The following CFAP47 variants were observed in gnomAD, a reference collection of about 807,000 sequenced individuals.
CFAP47 encodes cilia- and flagella-associated protein 47.
CFAP47 carries 29 observed loss-of-function variants against 148.1 expected under a neutral mutation model. The observed-to-expected ratio is 0.20, with a 90% CI of 0.15 to 0.27. The LOEUF (loss-of-function observed/expected upper bound fraction) is 0.27. Among genes scored for constraint, CFAP47 ranks in the 10% least tolerant of loss-of-function variants. The pLI is 1.00. For missense variants in CFAP47, 1,872 were observed against 1,697.5 expected (o/e 1.10, Z -1.81); for synonymous variants, 664 against 577.3 (o/e 1.15, Z -2.15).
At chrX:35,969,275 A>G (rs1194096417) in intron 10 of CFAP47, among the ~76,000 whole-genome samples, 1 of 111,260 alleles carries the variant, frequency 9.0e-6, no homozygotes, top group Non-Finnish European at 1.9e-5. Flanking sequence ...TTACTTGTTG[A>G]TAATTGTAAT....
chrX:36,371,946 G>GTGTGTGTATATATACACACATGTGTATA (rs1941970494), intron 62 of CFAP47, among the ~76,000 whole-genome samples: 3 of 90,842 alleles, frequency 3.3e-5, no homozygotes, highest in African/African-American at 1.5e-4. Context: ...ATGTGTATAT[G>GTGTGTGTATATATACACACATGTGTATA]TGTGTGTATA....
At chrX:36,004,209 T>C in intron 21 of CFAP47, among the ~76,000 whole-genome samples, 1 of 109,930 alleles carries the variant, frequency 9.1e-6, no homozygotes, top group Non-Finnish European at 1.9e-5. Context: ...ATTCCTGACC[T>C]CAGGTAATCT....
At chrX:35,989,759 T>A in intron 16 of CFAP47, 1 of 327,782 alleles carries the variant, frequency 3.1e-6, no homozygotes, top group Non-Finnish European at 5.0e-6. Flanking sequence ...CAGAGGGCCT[T>A]AAATTCATGA....
intron 26 of CFAP47, among the ~76,000 whole-genome samples, chrX:36,062,816 T>A (rs1219215889): frequency 9.0e-6 from 1 of 111,457 alleles, no homozygotes; most frequent in East Asian, 2.8e-4. Context: ...ACTCTGTGAT[T>A]ATATTTTAAA....
chrX:36,271,470 T>C (rs1202572603), intron 49 of CFAP47, among the ~76,000 whole-genome samples: 3 of 111,625 alleles, frequency 2.7e-5, no homozygotes, highest in African/African-American at 6.5e-5. Context: ...GAAACTGGCT[T>C]TTGGCAGTTT....
chrX:36,266,560 G>A (rs782634617), intron 49 of CFAP47, among the ~76,000 whole-genome samples: 2 of 109,900 alleles, frequency 1.8e-5, no homozygotes, highest in East Asian at 2.9e-4. Flanking sequence ...CAGTGGTGAG[G>A]TTGCAGACAA....
chrX:36,242,232 A>G (rs1940554067), intron 48 of CFAP47, among the ~76,000 whole-genome samples: 1 of 112,331 alleles, frequency 8.9e-6, no homozygotes, highest in African/African-American at 3.2e-5. Flanking sequence ...AGAAAGAATC[A>G]ATGCAAGAAC....
chrX:36,348,951 G>A (rs1465323504), intron 58 of CFAP47, among the ~76,000 whole-genome samples: 1 of 110,387 alleles, frequency 9.1e-6, no homozygotes, highest in African/African-American at 3.3e-5. Flanking sequence ...TTCATTTTTT[G>A]CCAGTTCTTT....
intron 50 of CFAP47, among the ~76,000 whole-genome samples, chrX:36,284,343 A>G (rs868929410): frequency 2.9e-4 from 32 of 111,792 alleles, no homozygotes; most frequent in African/African-American, 1.0e-3. Flanking sequence ...GGGTCTTATT[A>G]ATTGTAACTA....
At chrX:36,077,173 G>T in intron 29 of CFAP47, among the ~76,000 whole-genome samples, 1 of 73,535 alleles carries the variant, frequency 1.4e-5, no homozygotes, top group African/African-American at 5.2e-5. Flanking sequence ...AGGTAATACA[G>T]CGCCTCCAGC....
intron 25 of CFAP47, among the ~76,000 whole-genome samples, 151 bp downstream of exon 25, chrX:36,039,330 C>A (rs191931142): frequency 0.032 from 3,620 of 111,415 alleles, 37 homozygotes; most frequent in Non-Finnish European, 0.043. Flanking sequence ...AACAAAAAAA[C>A]CAAAAAATCT....
At chrX:36,102,172 G>A (rs1458068189) in intron 32 of CFAP47, among the ~76,000 whole-genome samples, 1 of 111,196 alleles carries the variant, frequency 9.0e-6, no homozygotes, top group Admixed American at 9.6e-5. Context: ...GTTTTCTGAG[G>A]GCATGAAAGA....
rs765327081 is a variant in CFAP47, at chrX:35,926,061, C to T, written c.294C>T (p.Gly98=). The part of the protein sequence containing the change: ...LTSLDKELAS[G]LQMTAMVEYH... ...GTCTGGATAAAGAACTTGCTTCTGG[C>T]CTTCAGATGACAGCTATGGTGGAAT... Residue 98 remains glycine, a synonymous_variant, in exon 2 of 64, where the codon GGC becomes GGT. Coordinates refer to ENST00000378653, the MANE Select transcript of CFAP47 (RefSeq NM_001304548.2). 9.1e-6 allele frequency: 11 copies of T among 1,203,639 alleles called. No homozygotes were observed. The African/African-American group carries it at 1.8e-4, about 19-fold the overall frequency.
chrX:35,994,943 C>A (rs1002034551), intron 18 of CFAP47, among the ~76,000 whole-genome samples: 8 of 111,321 alleles, frequency 7.2e-5, no homozygotes, highest in Non-Finnish European at 1.5e-4. Context: ...ATAAACAACT[C>A]AATAAATAAT....
At chrX:36,286,867 C>T (rs1450953684) in intron 51 of CFAP47, among the ~76,000 whole-genome samples, 2 of 111,218 alleles carry the variant, frequency 1.8e-5, no homozygotes, top group East Asian at 5.6e-4. Flanking sequence ...GAAGTAAATA[C>T]AATTTTAAAA....
chrX:36,285,839 T>G, intron 51 of CFAP47, 113 bp downstream of exon 51: 1 of 531,461 alleles, frequency 1.9e-6, no homozygotes, highest in Non-Finnish European at 2.9e-6. Flanking sequence ...ATGATTGTAT[T>G]AAGATAAATT....
Position 36,031,469 on chromosome X carries a change from A to G in CFAP47, c.3651+122A>G, listed in dbSNP as rs1458167589. On this transcript the variant is annotated intron_variant, in intron 23 of 63. Coordinates refer to ENST00000378653, the MANE Select transcript of CFAP47 (RefSeq NM_001304548.2). ...ATTCCCTATGATTAATTTCTCCCCA[A>G]TTGTTTATGCTCTTCGGAGCAAGAA... 1.3e-4 allele frequency: 34 copies of G among 256,184 alleles called. No homozygotes were observed. In the East Asian group the frequency reaches 1.8e-3, roughly 14 times the overall value. 21.1% of individuals were successfully genotyped at this position (256,184 alleles called of 1,213,427 possible).
At chrX:36,198,486 G>T (rs1939942358) in intron 42 of CFAP47, among the ~76,000 whole-genome samples, 1 of 111,852 alleles carries the variant, frequency 8.9e-6, no homozygotes, top group Admixed American at 9.5e-5. Context: ...TTAAAAAGAT[G>T]CCAAACTCTT....
chrX:36,338,258 C>A (rs1941625227), intron 57 of CFAP47, among the ~76,000 whole-genome samples: 2 of 109,062 alleles, frequency 1.8e-5, no homozygotes, highest in South Asian at 8.0e-4. Context: ...GTTTAAAAGT[C>A]ACACGGCTCT....
Sources: gnomAD v4.1 joint callset for allele counts (sites outside exome capture counted in the v4.1 genomes callset) on GRCh38, gnomAD v4.1.1 for gene constraint, MANE v1.5 for transcripts, NCBI Gene and HGNC (gene_info 2026-07-23, HGNC 2026-07-21) for gene names.